RAB10: variants seen among roughly 807,000 people sequenced by gnomAD.
RAB10 encodes ras-related protein Rab-10.
In RAB10, 5 loss-of-function variants were observed where a neutral mutation model predicts 25.7. The observed-to-expected ratio is 0.19, with a 90% confidence interval of 0.10 to 0.41. The LOEUF is 0.41. Among genes scored for constraint, RAB10 ranks in the 10% least tolerant of loss-of-function variants. The pLI is 1.00. For synonymous variants in RAB10, 89 were observed against 86.4 expected (o/e 1.03, Z -0.16); for missense variants, 103 against 245.8 (o/e 0.42, Z 3.89).
chr2:26,130,274 G>T (rs1417410392), intron 5 of RAB10, among the ~76,000 whole-genome samples: 1 of 151,956 alleles, frequency 6.6e-6, no homozygotes, highest in African/African-American at 2.4e-5. Context: ...AAGAATAGAA[G>T]AATACAACTA....
chr2:26,097,075 G>C (rs76825919), intron 1 of RAB10, among the ~76,000 whole-genome samples: 1 of 152,054 alleles, frequency 6.6e-6, no homozygotes, highest in South Asian at 2.1e-4. Context: ...AACTTAGCTA[G>C]ACATGGTGGC....
intron 1 of RAB10, among the ~76,000 whole-genome samples, chr2:26,084,773 C>T (rs552075796): frequency 2.6e-5 from 4 of 151,994 alleles, no homozygotes; most frequent in South Asian, 2.1e-4. Flanking sequence ...GGGTAAAATT[C>T]GATACTTATG....
At chr2:26,069,272 C>T (rs1052929620) in intron 1 of RAB10, among the ~76,000 whole-genome samples, 1 of 152,122 alleles carries the variant, frequency 6.6e-6, no homozygotes, top group African/African-American at 2.4e-5. Flanking sequence ...AAAGAGATAA[C>T]CCCAACAGTT....
At chr2:26,095,875 A>G (rs1289800405) in intron 1 of RAB10, among the ~76,000 whole-genome samples, 1 of 152,164 alleles carries the variant, frequency 6.6e-6, no homozygotes, top group African/African-American at 2.4e-5. Context: ...CTGACACTGC[A>G]CTCCATCCTG....
intron 5 of RAB10, among the ~76,000 whole-genome samples, chr2:26,130,101 G>A (rs1667982849): frequency 1.3e-5 from 2 of 152,092 alleles, no homozygotes; most frequent in African/African-American, 4.8e-5. Flanking sequence ...CCGACTATAG[G>A]CAGTTTAGTT....
At chr2:26,108,089 A>T (rs1208803780) in intron 2 of RAB10, among the ~76,000 whole-genome samples, 1 of 152,246 alleles carries the variant, frequency 6.6e-6, no homozygotes, top group Non-Finnish European at 1.5e-5. Flanking sequence ...GCCACTCTGG[A>T]AAAAGTTGGC....
chr2:26,127,868 A>G lies in RAB10; in HGVS notation c.436A>G (p.Ile146Val). 6.2e-7 allele frequency: 1 copy of G among 1,603,796 alleles called. No individual in the cohort carries two copies. The highest frequency in any genetic ancestry group is 8.5e-7 in the Non-Finnish European group (1 of 1,170,604). Residue 146 changes from isoleucine (I) to valine (V), a missense_variant, in exon 5 of 6, where the codon ATT becomes GTT. Physicochemically the swap from Ile to Val is conservative, Grantham distance 29. Coordinates refer to ENST00000264710, the MANE Select transcript of RAB10 (RefSeq NM_016131.5). Reference sequence around the variant, plus strand: ...GTTTTAGATTGCAAGGGAGCATGGTATTAGGTTTTTTGAGACTAGTGCAAA... The same window carrying G: ...GTTTTAGATTGCAAGGGAGCATGGTGTTAGGTTTTTTGAGACTAGTGCAAA... ...KGEQIAREHG[I>V]RFFETSAKAN... is the part of the protein sequence containing the mutation.
intron 1 of RAB10, among the ~76,000 whole-genome samples, chr2:26,083,249 A>G (rs879804500): frequency 5.3e-5 from 8 of 152,368 alleles, no homozygotes; most frequent in African/African-American, 1.9e-4. Context: ...GTTGTTATAT[A>G]CATAGAAAAT....
chr2:26,094,016 C>G (rs1667159733), intron 1 of RAB10, among the ~76,000 whole-genome samples: 1 of 151,982 alleles, frequency 6.6e-6, no homozygotes, highest in South Asian at 2.1e-4. Context: ...CCACCACAGC[C>G]TCCCAAGTAG....
chr2:26,092,774 T>C (rs1195484902), intron 1 of RAB10, among the ~76,000 whole-genome samples: 1 of 152,170 alleles, frequency 6.6e-6, no homozygotes, highest in Admixed American at 6.5e-5. Flanking sequence ...ATAAATTGTA[T>C]ACCTAGCTGA....
chr2:26,042,185 T>G (rs1665905088), intron 1 of RAB10, among the ~76,000 whole-genome samples: 2 of 152,190 alleles, frequency 1.3e-5, no homozygotes, highest in South Asian at 4.1e-4. Flanking sequence ...ACAGGGAATA[T>G]TTTTCACTGG....
intron 3 of RAB10, among the ~76,000 whole-genome samples, chr2:26,117,465 A>T (rs1667713647): frequency 6.6e-6 from 1 of 152,074 alleles, no homozygotes; most frequent in African/African-American, 2.4e-5. Context: ...AAGAAAAAAA[A>T]TTAGCCGGGC....
At chr2:26,066,614 C>T (rs1666516219) in intron 1 of RAB10, among the ~76,000 whole-genome samples, 1 of 151,990 alleles carries the variant, frequency 6.6e-6, no homozygotes, top group Admixed American at 6.6e-5. Flanking sequence ...CCTTACAAAA[C>T]CATCAGATCT....
intron 1 of RAB10, among the ~76,000 whole-genome samples, chr2:26,066,184 A>G (rs1281696020): frequency 1.3e-5 from 2 of 152,204 alleles, no homozygotes; most frequent in African/African-American, 4.8e-5. Flanking sequence ...ATAGTGATAA[A>G]CTTGCATCAG....
At chr2:26,066,308 A>C (rs2149268892) in intron 1 of RAB10, among the ~76,000 whole-genome samples, 1 of 152,328 alleles carries the variant, frequency 6.6e-6, no homozygotes, top group South Asian at 2.1e-4. Context: ...AAGAACAGTC[A>C]TTGGATCTAA....
chr2:26,058,547 A>T (rs1210111548), intron 1 of RAB10, among the ~76,000 whole-genome samples: 1 of 152,008 alleles, frequency 6.6e-6, no homozygotes, highest in African/African-American at 2.4e-5. Flanking sequence ...ACAGATGTAT[A>T]CCACCGTACT....
At chr2:26,099,725 G>C (rs531566764) in intron 2 of RAB10, among the ~76,000 whole-genome samples, 81 of 151,802 alleles carry the variant, frequency 5.3e-4, no homozygotes, top group Middle Eastern at 3.4e-3. Flanking sequence ...TGTATTTTTA[G>C]TAGAGACGGG....
intron 1 of RAB10, among the ~76,000 whole-genome samples, chr2:26,067,959 T>G (rs3955310): frequency 0.77 from 117,252 of 152,060 alleles, 45,234 homozygotes; most frequent in East Asian, 0.87. Flanking sequence ...TGCTGGGGGG[T>G]TGATATATGT....
At chr2:26,124,413 T>TTTTTTTTTTTG (rs1667866843) in intron 3 of RAB10, among the ~76,000 whole-genome samples, 1 of 122,454 alleles carries the variant, frequency 8.2e-6, no homozygotes, top group African/African-American at 3.0e-5. Flanking sequence ...TTTTTTTTTT[T>TTTTTTTTTTTG]TTTTGAGACA....
Sources: gnomAD v4.1 joint callset for allele counts (sites outside exome capture counted in the v4.1 genomes callset) on GRCh38, gnomAD v4.1.1 for gene constraint, MANE v1.5 for transcripts, NCBI Gene and HGNC (gene_info 2026-07-23, HGNC 2026-07-21) for gene names.